Variants in PRDM2 observed in about 807,000 individuals in gnomAD.
The protein encoded by PRDM2 is PR/SET domain 2.
Under a neutral mutation model 130.0 loss-of-function variants are expected in PRDM2, and 30 were observed. The ratio of observed to expected loss-of-function variants is 0.23; its 90% confidence interval spans 0.17 to 0.31. The LOEUF (loss-of-function observed/expected upper bound fraction) is 0.31. Among genes scored for constraint, PRDM2 ranks in the 10% least tolerant of loss-of-function variants. The pLI is 1.00. For missense variants in PRDM2, 2,011 were observed against 2,108.4 expected, an observed-to-expected ratio of 0.95 and a Z score of 0.90; for synonymous variants, 871 against 782.4, an observed-to-expected ratio of 1.11 and a Z score of -1.89.
At chr1:13,794,315 C>T (rs1644888129) in intron 8 of PRDM2, among the ~76,000 whole-genome samples, 1 of 152,104 alleles carries the variant, frequency 6.6e-6, no homozygotes. Flanking sequence ...TGTTCAAGAC[C>T]CTTAAGCCTT....
At chr1:13,764,047 G>A (rs1194076573) in intron 6 of PRDM2, among the ~76,000 whole-genome samples, 3 of 152,124 alleles carry the variant, frequency 2.0e-5, no homozygotes, top group African/African-American at 7.2e-5. Flanking sequence ...ATTTTAAAAC[G>A]ATGTTGTAGT....
intron 4 of PRDM2, among the ~76,000 whole-genome samples, chr1:13,737,873 C>G (rs1453353403): frequency 6.6e-6 from 1 of 152,072 alleles, no homozygotes; most frequent in East Asian, 1.9e-4. Flanking sequence ...TCTTGAACAC[C>G]ATGCTTGGCA....
intron 8 of PRDM2, 57 bp downstream of exon 8, chr1:13,782,888 A>G (rs746826791): frequency 5.0e-6 from 8 of 1,592,360 alleles, no homozygotes; most frequent in African/African-American, 1.4e-5. Context: ...ATCCTTGCCT[A>G]CGGGTGTTTT....
At chr1:13,788,865 C>A (rs1054928425) in intron 8 of PRDM2, among the ~76,000 whole-genome samples, 57 of 152,214 alleles carry the variant, frequency 3.7e-4, no homozygotes, top group Admixed American at 3.6e-3. Context: ...AAGCGCCCTC[C>A]ATGGCTGCGT....
chr1:13,814,337 G>A (rs1052182676), intron 8 of PRDM2, among the ~76,000 whole-genome samples: 2 of 152,234 alleles, frequency 1.3e-5, no homozygotes, highest in African/African-American at 2.4e-5. Context: ...GCTGCACAGC[G>A]CAGGGGAGGA....
At chr1:13,809,345 GA>G (rs1645135297) in intron 8 of PRDM2, among the ~76,000 whole-genome samples, 1 of 152,176 alleles carries the variant, frequency 6.6e-6, no homozygotes, top group South Asian at 2.1e-4. Context: ...GACTCCAGGC[GA>G]GAGGTGGTCC....
rs1447566194 is a variant in PRDM2 at position 13,806,233 on chromosome 1, A to C, written c.5037-10194A>C. ...TGCACATTACCAGCTGCTCCCCCGC[A>C]TCCCGCCTCCATCCCTGGGCTCTGT... On this transcript the variant is annotated intron_variant, in intron 8 of 9. Transcript: ENST00000311066. The surrounding 1 kb of genome is among the most constrained non-coding windows in gnomAD (Gnocchi z 4.1). Among the ~76,000 whole-genome samples the C allele has an allele frequency of 4.3e-5, 6 of 140,032 alleles. No individual in the cohort carries two copies. Among genetic ancestry groups the C allele is most frequent in the Admixed American group, 4.1e-4 (6 of 14,554 alleles). The allele number at this position is 140,032 out of a possible 152,430, so 91.9% of individuals were successfully genotyped here.
chr1:13,822,683 C>T (rs898494249), intron 9 of PRDM2, among the ~76,000 whole-genome samples: 5 of 152,024 alleles, frequency 3.3e-5, no homozygotes, highest in African/African-American at 9.7e-5. Flanking sequence ...TGAGCCACCG[C>T]GCCTGGCCGA....
intron 5 of PRDM2, 50 bp downstream of exon 5, chr1:13,742,207 CT>C: frequency 6.3e-7 from 1 of 1,575,128 alleles, no homozygotes; most frequent in Non-Finnish European, 8.7e-7. Flanking sequence ...TTGTGTTTTC[CT>C]TTTTCTTTTT....
chr1:13,707,576 C>T (rs1642247151), intron 1 of PRDM2, among the ~76,000 whole-genome samples: 1 of 152,124 alleles, frequency 6.6e-6, no homozygotes, highest in Non-Finnish European at 1.5e-5. Flanking sequence ...AAGAATCTTT[C>T]ATGGAAACTT....
At chr1:13,746,233 T>G (rs1171069334) in intron 5 of PRDM2, among the ~76,000 whole-genome samples, 1 of 151,860 alleles carries the variant, frequency 6.6e-6, no homozygotes. Flanking sequence ...AAAGAGGTTG[T>G]TTGGTCTTTT....
chr1:13,795,709 G>A (rs557380650), intron 8 of PRDM2, among the ~76,000 whole-genome samples: 1 of 152,284 alleles, frequency 6.6e-6, no homozygotes, highest in Non-Finnish European at 1.5e-5. Flanking sequence ...CTGAGGTTTC[G>A]GCCAGGCCTC....
At chr1:13,700,876 GCA>G (rs1179959234) in intron 1 of PRDM2, among the ~76,000 whole-genome samples, 10 of 152,128 alleles carry the variant, frequency 6.6e-5, no homozygotes, top group Admixed American at 1.3e-4. Context: ...GTGTGTGTGC[GCA>G]CGCGCGCGTG....
At chr1:13,741,118 T>C (rs987753180) in intron 4 of PRDM2, among the ~76,000 whole-genome samples, 1 of 152,198 alleles carries the variant, frequency 6.6e-6, no homozygotes, top group Non-Finnish European at 1.5e-5. Flanking sequence ...TGTAGACTGG[T>C]TTTGGGAAAA....
In PRDM2 at chr1:13,780,937, C is replaced by T. The variant is rs752032271; in HGVS notation, c.3142C>T (p.Pro1048Ser). 1 of 1,611,556 alleles carries T rather than the reference C, an allele frequency of 6.2e-7. No homozygotes were observed. Among genetic ancestry groups the T allele is most frequent in the Non-Finnish European group, 8.5e-7 (1 of 1,177,834 alleles). Residue 1048 changes from proline (P) to serine (S), a missense_variant, in exon 8 of 10, where the codon CCT becomes TCT. Pro to Ser is a moderately conservative substitution (Grantham distance 74). Coordinates refer to ENST00000311066, the MANE Select transcript of PRDM2 (RefSeq NM_001393986.1). ...CCTGATGTCTGCCGCCTCACCCGGG[C>T]CTCCAACACTTTCTTCTTCCTCCTC... ...EPLMSAASPGPPTLSSSSSSS... is the reference protein window; with the variant it reads ...EPLMSAASPGSPTLSSSSSSS...
At chr1:13,786,799 G>T in intron 8 of PRDM2, 1 of 1,278,736 alleles carries the variant, frequency 7.8e-7, no homozygotes. Context: ...CTGGCTCCTC[G>T]TCATGGGACT....
At chr1:13,770,549 C>G (rs1644337512) in intron 6 of PRDM2, among the ~76,000 whole-genome samples, 1 of 151,558 alleles carries the variant, frequency 6.6e-6, no homozygotes, top group Non-Finnish European at 1.5e-5. Flanking sequence ...GACTGTATTA[C>G]AAGAAATTGA....
chr1:13,798,615 A>G lies in PRDM2; in HGVS notation c.5036+15784A>G, dbSNP rs150465259. Among the ~76,000 whole-genome samples the G allele has an allele frequency of 1.0e-3, 157 of 152,294 alleles. 1 individual carries two copies. Among genetic ancestry groups the G allele is most frequent in the African/African-American group, 3.5e-3 (147 of 41,558 alleles). On this transcript the variant is annotated intron_variant, in intron 8 of 9. Transcript: ENST00000311066. ...GTCCTTACAGGCTGTCTTTGACTAT[A>G]ACTGAACATCATGGGGGTAGAACTA...
chr1:13,798,588 G>C (rs1298417004), intron 8 of PRDM2, among the ~76,000 whole-genome samples: 2 of 152,144 alleles, frequency 1.3e-5, no homozygotes, highest in Non-Finnish European at 2.9e-5. Flanking sequence ...CCAAAGATTC[G>C]AGTCCTTACA....
Sources: gnomAD v4.1 joint callset for allele counts (sites outside exome capture counted in the v4.1 genomes callset) on GRCh38, gnomAD v4.1.1 for gene constraint, Gnocchi (gnomAD v3.1) non-coding constraint, MANE v1.5 for transcripts, NCBI Gene and HGNC (gene_info 2026-07-23, HGNC 2026-07-21) for gene names.